Variants in SIPA1L1 observed in about 807,000 individuals in gnomAD.
The protein encoded by SIPA1L1 is signal induced proliferation associated 1 like 1, also known as signal-induced proliferation-associated 1-like protein 1.
Under a neutral mutation model 162.7 loss-of-function variants are expected in SIPA1L1, and 26 were observed. The observed-to-expected ratio is 0.16, with a 90% CI of 0.12 to 0.22. SIPA1L1 has a LOEUF of 0.22. SIPA1L1 is among the 10% of genes least tolerant of loss of function. The pLI, the probability that SIPA1L1 is intolerant of heterozygous loss-of-function variation, is 1.00. For synonymous variants in SIPA1L1, 829 were observed against 837.4 expected (o/e 0.99, Z 0.17); for missense variants, 1,874 against 2,241.0 (o/e 0.84, Z 3.31).
At chr14:71,623,461 G>A (rs2039653490) in intron 6 of SIPA1L1, among the ~76,000 whole-genome samples, 1 of 152,132 alleles carries the variant, frequency 6.6e-6, no homozygotes, top group Non-Finnish European at 1.5e-5. Flanking sequence ...AAGAAGGGAA[G>A]GTATTTTAAG....
At chr14:71,378,901 T>C (rs1016519404) in intron 2 of SIPA1L1, among the ~76,000 whole-genome samples, 1 of 152,232 alleles carries the variant, frequency 6.6e-6, no homozygotes, top group Non-Finnish European at 1.5e-5. Context: ...ATTTAAAAGT[T>C]GATTAGAAGC....
chr14:71,658,199 A>AGTT (rs2043223162), intron 8 of SIPA1L1, 134 bp from the exon 9 acceptor site: 2 of 596,846 alleles, frequency 3.4e-6, no homozygotes, highest in East Asian at 5.7e-5. Context: ...AAAAGGAAGA[A>AGTT]CACCTGTCTT....
chr14:71,709,500 A>C lies in SIPA1L1; in HGVS notation c.4044A>C (p.Val1348=), dbSNP rs775615025. 11 of 1,614,210 alleles carry C rather than the reference A, an allele frequency of 6.8e-6. No homozygotes were observed. The South Asian group carries it at 1.2e-4, about 18-fold the overall frequency. Residue 1348 remains valine, a synonymous_variant, in exon 17 of 24, where the codon GTA becomes GTC. Transcript: ENST00000381232. ...VAPLWHSSSE[V]ISMADRTLET... Reference sequence around the variant, plus strand: ...CCCTATGGCACAGCTCCAGTGAAGTAATCTCCATGGCAGATCGGACTTTGG... The same window carrying C: ...CCCTATGGCACAGCTCCAGTGAAGTCATCTCCATGGCAGATCGGACTTTGG...
chr14:71,697,146 G>A (rs767477672), intron 13 of SIPA1L1, among the ~76,000 whole-genome samples: 1 of 152,182 alleles, frequency 6.6e-6, no homozygotes, highest in Non-Finnish European at 1.5e-5. Context: ...CTTGATGGAA[G>A]AGGGTGGGTT....
At position 71,598,739 on chromosome 14, in the gene SIPA1L1, A is replaced by G. The variant is rs541166780; in HGVS notation, c.1498+9369A>G. Among the ~76,000 whole-genome samples, 15 of 152,326 alleles carry G rather than the reference A, an allele frequency of 9.8e-5. 1 individual carries two copies. The East Asian group carries it at 2.3e-3, about 24-fold the overall frequency. On this transcript the variant is annotated intron_variant, in intron 5 of 23. Coordinates refer to ENST00000381232, the MANE Select transcript of SIPA1L1 (RefSeq NM_001386936.1). Reference sequence around the variant, plus strand: ...TAGTTAATGGTATTGCACCAATGTTAATTTCCCAGTTTTATTTGTGAGGGA... The same window carrying G: ...TAGTTAATGGTATTGCACCAATGTTGATTTCCCAGTTTTATTTGTGAGGGA...
At chr14:71,379,788 T>C (rs2039737363) in intron 2 of SIPA1L1, among the ~76,000 whole-genome samples, 1 of 152,396 alleles carries the variant, frequency 6.6e-6, no homozygotes. Flanking sequence ...CATTAGAAAG[T>C]ATTAGTGGTG....
At chr14:71,585,167 T>A (rs2034427555) in intron 4 of SIPA1L1, among the ~76,000 whole-genome samples, 1 of 143,904 alleles carries the variant, frequency 6.9e-6, no homozygotes. Flanking sequence ...GGGAGGGAGA[T>A]GGAAAATGAG....
At chr14:71,679,012 T>G (rs1030462151) in intron 12 of SIPA1L1, among the ~76,000 whole-genome samples, 5 of 152,228 alleles carry the variant, frequency 3.3e-5, no homozygotes, top group South Asian at 2.1e-4. Context: ...AAAACACTCT[T>G]CAGGATATTA....
intron 3 of SIPA1L1, among the ~76,000 whole-genome samples, chr14:71,522,219 T>A (rs2052426154): frequency 6.6e-6 from 1 of 152,196 alleles, no homozygotes; most frequent in Non-Finnish European, 1.5e-5. Flanking sequence ...TGGGGTAATT[T>A]GTAGGTGATT....
At chr14:71,457,986 G>A (rs2046314022) in intron 2 of SIPA1L1, among the ~76,000 whole-genome samples, 1 of 151,960 alleles carries the variant, frequency 6.6e-6, no homozygotes, top group Admixed American at 6.6e-5. Flanking sequence ...TTTCCCCCCA[G>A]TTTGTGGCTT....
chr14:71,732,447 C>T (rs572732956), intron 20 of SIPA1L1, among the ~76,000 whole-genome samples: 21 of 152,066 alleles, frequency 1.4e-4, no homozygotes, highest in Non-Finnish European at 2.6e-4. Flanking sequence ...ATGTCATGAG[C>T]GTCGTTTCCC....
intron 17 of SIPA1L1, among the ~76,000 whole-genome samples, chr14:71,714,546 G>A (rs890910065): frequency 1.3e-5 from 2 of 151,594 alleles, no homozygotes; most frequent in African/African-American, 4.9e-5. Flanking sequence ...GGGGCAGTGG[G>A]GAGGGAAATA....
chr14:71,459,532 C>T (rs2046435746), intron 2 of SIPA1L1, among the ~76,000 whole-genome samples: 1 of 152,032 alleles, frequency 6.6e-6, no homozygotes, highest in South Asian at 2.1e-4. Context: ...AATAGTCTGT[C>T]TGCAAGCTTG....
intron 2 of SIPA1L1, among the ~76,000 whole-genome samples, chr14:71,442,619 C>T (rs2044994092): frequency 6.6e-6 from 1 of 151,918 alleles, no homozygotes; most frequent in Middle Eastern, 3.4e-3. Context: ...TAGGAGAAAA[C>T]AGTGATTGTT....
chr14:71,557,274 A>G (rs1416588771), intron 4 of SIPA1L1, among the ~76,000 whole-genome samples: 2 of 152,182 alleles, frequency 1.3e-5, no homozygotes, highest in Non-Finnish European at 2.9e-5. Context: ...AGTTTCATGT[A>G]CCCAAATCTG....
chr14:71,625,208 C>T (rs1323009677), intron 7 of SIPA1L1, among the ~76,000 whole-genome samples: 1 of 151,740 alleles, frequency 6.6e-6, no homozygotes, highest in Non-Finnish European at 1.5e-5. Context: ...GAATGAGAGT[C>T]CAAAAAATCA....
At chr14:71,517,861 A>T (rs527714600) in intron 3 of SIPA1L1, among the ~76,000 whole-genome samples, 1 of 152,304 alleles carries the variant, frequency 6.6e-6, no homozygotes, top group East Asian at 1.9e-4. Flanking sequence ...TTATACATTT[A>T]TAAGAGTTAT....
intron 16 of SIPA1L1, among the ~76,000 whole-genome samples, chr14:71,706,975 C>T (rs1241930005): frequency 6.7e-6 from 1 of 149,198 alleles, no homozygotes; most frequent in East Asian, 2.0e-4. Flanking sequence ...GCAGAGGTTG[C>T]AGTGAGCTGA....
At chr14:71,436,760 A>ATTTTT (rs1231560483) in intron 2 of SIPA1L1, among the ~76,000 whole-genome samples, 2 of 130,984 alleles carry the variant, frequency 1.5e-5, no homozygotes, top group African/African-American at 5.6e-5. Flanking sequence ...TACCTTCTGA[A>ATTTTT]TTTTTTTTTT....
Sources: allele counts gnomAD v4.1 joint callset (sites outside exome capture counted in the v4.1 genomes callset), GRCh38; gene constraint gnomAD v4.1.1; transcripts MANE v1.5; gene names NCBI Gene and HGNC (gene_info 2026-07-23, HGNC 2026-07-21).